The following CYRIB variants were observed in gnomAD, a reference collection of about 807,000 sequenced individuals.
The protein encoded by CYRIB is CYFIP-related Rac1 interactor B.
Under a neutral mutation model 44.2 loss-of-function variants are expected in CYRIB, and 8 were observed. The observed-to-expected ratio is 0.18, with a 90% confidence interval of 0.11 to 0.33. The LOEUF is 0.33. Ranked by LOEUF, CYRIB falls within the 10% of genes least tolerant of loss-of-function variation. The pLI is 1.00. For synonymous variants in CYRIB, 131 were observed against 127.2 expected, an observed-to-expected ratio of 1.03 and a Z score of -0.20; for missense variants, 185 against 382.8, an observed-to-expected ratio of 0.48 and a Z score of 4.31.
chr8:129,932,155 C>A (rs904947524), intron 1 of CYRIB, among the ~76,000 whole-genome samples: 1 of 151,910 alleles, frequency 6.6e-6, no homozygotes, highest in African/African-American at 2.4e-5. Flanking sequence ...CTCACCACTT[C>A]GCCCAGCTAA....
At chr8:129,891,450 C>T (rs1251978051) in intron 2 of CYRIB, among the ~76,000 whole-genome samples, 2 of 152,152 alleles carry the variant, frequency 1.3e-5, no homozygotes, top group African/African-American at 4.8e-5. Flanking sequence ...TAAAGTGATG[C>T]TTTGATTCTC....
intron 1 of CYRIB, among the ~76,000 whole-genome samples, chr8:129,976,338 C>A (rs2132427621): frequency 6.6e-6 from 1 of 152,294 alleles, no homozygotes; most frequent in South Asian, 2.1e-4. Flanking sequence ...ATGCAATAAA[C>A]ATCTGCTATT....
At chr8:129,980,227 CAAAAAAAAA>C (rs58630436) in intron 1 of CYRIB, among the ~76,000 whole-genome samples, 1 of 91,782 alleles carries the variant, frequency 1.1e-5, no homozygotes, top group African/African-American at 3.9e-5. Context: ...GACTCCATCT[CAAAAAAAAA>C]AAAAAAAAAA....
rs191553142 is a variant in CYRIB at position 129,966,608 on chromosome 8, A to G, written c.-243+4335T>C. 2.8e-3 allele frequency among the ~76,000 whole-genome samples: 430 copies of G among 152,344 alleles called. 3 individuals are homozygous for G. The highest frequency in any genetic ancestry group is 8.4e-3 in the Admixed American group (129 of 15,296). ...CCAGGCGCAGTGGCTCATGCCTGTAATCCTAGCACTTTGGGAGGCCAAGGC... is the reference window on the plus strand; with the variant it reads ...CCAGGCGCAGTGGCTCATGCCTGTAGTCCTAGCACTTTGGGAGGCCAAGGC... On this transcript the variant is annotated intron_variant, in intron 2 of 14. Coordinates refer to the CYRIB transcript ENST00000401979.
At chr8:129,895,076 T>A (rs1372646660) in intron 2 of CYRIB, among the ~76,000 whole-genome samples, 1 of 128,884 alleles carries the variant, frequency 7.8e-6, no homozygotes, top group Non-Finnish European at 1.6e-5. Flanking sequence ...TAGCTGGGAC[T>A]ACATGCCCGT....
At chr8:129,993,614 T>C (rs1034444693) in intron 1 of CYRIB, among the ~76,000 whole-genome samples, 1 of 151,392 alleles carries the variant, frequency 6.6e-6, no homozygotes, top group African/African-American at 2.4e-5. Flanking sequence ...GGAGAATCGC[T>C]GGAACCCAGG....
intron 1 of CYRIB, among the ~76,000 whole-genome samples, chr8:129,997,079 AGGGAG>A (rs2096787220): frequency 1.0e-5 from 1 of 96,132 alleles, no homozygotes; most frequent in Non-Finnish European, 2.1e-5. Flanking sequence ...GGAGGGAGGG[AGGGAG>A]GGAAGGAGGG....
intron 1 of CYRIB, among the ~76,000 whole-genome samples, chr8:130,011,770 T>A (rs2097223739): frequency 6.6e-6 from 1 of 151,926 alleles, no homozygotes; most frequent in African/African-American, 2.4e-5. Context: ...GAGGCGGAGC[T>A]TGCAGTGAGC....
intron 11 of CYRIB, among the ~76,000 whole-genome samples, chr8:129,845,332 G>A (rs770500583): frequency 3.3e-5 from 5 of 152,124 alleles, no homozygotes; most frequent in Non-Finnish European, 7.3e-5. Context: ...ACAAAGTCTT[G>A]GGAGAAAAAT....
At chr8:129,885,303 T>C (rs1397122987) in intron 2 of CYRIB, among the ~76,000 whole-genome samples, 1 of 152,224 alleles carries the variant, frequency 6.6e-6, no homozygotes, top group Non-Finnish European at 1.5e-5. Context: ...TTGCAACTTC[T>C]AGTGATAATC....
chr8:129,891,968 G>A (rs552736025), intron 2 of CYRIB, among the ~76,000 whole-genome samples: 2 of 152,272 alleles, frequency 1.3e-5, no homozygotes, highest in East Asian at 3.9e-4. Context: ...AATAGTATTA[G>A]ATCAGATTGT....
chr8:129,943,091 C>CCCCCCCCCCCCCCCCCCCCCCCCG (rs2093849004), upstream of CYRIB, among the ~76,000 whole-genome samples: 1 of 132,544 alleles, frequency 7.5e-6, no homozygotes, highest in African/African-American at 3.0e-5. Context: ...CGCCCACCCG[C>CCCCCCCCCCCCCCCCCCCCCCCCG]CCCCCCGCAC....
chr8:129,969,954 AT>A (rs1336835414), intron 2 of CYRIB, among the ~76,000 whole-genome samples: 5 of 152,190 alleles, frequency 3.3e-5, no homozygotes, highest in Non-Finnish European at 7.4e-5. Flanking sequence ...GAGCAAGTAT[AT>A]TTGGATACGG....
intron 1 of CYRIB, among the ~76,000 whole-genome samples, chr8:129,924,799 C>T (rs1228603978): frequency 2.0e-5 from 3 of 151,842 alleles, no homozygotes; most frequent in African/African-American, 7.3e-5. Context: ...GAACCCGTCT[C>T]TACAAAAAAA....
At chr8:129,909,553 A>T (rs2076991196) in intron 1 of CYRIB, among the ~76,000 whole-genome samples, 1 of 152,270 alleles carries the variant, frequency 6.6e-6, no homozygotes, top group East Asian at 1.9e-4. Context: ...CCAACTCATC[A>T]TATGGTTGTA....
intron 1 of CYRIB, among the ~76,000 whole-genome samples, chr8:129,923,858 T>C (rs796910725): frequency 3.3e-5 from 5 of 150,568 alleles, no homozygotes; most frequent in African/African-American, 1.2e-4. Context: ...AGTACGAACA[T>C]ATGTGAATAT....
At chr8:129,921,937 G>T (rs1380063934) in intron 1 of CYRIB, among the ~76,000 whole-genome samples, 2 of 152,106 alleles carry the variant, frequency 1.3e-5, no homozygotes, top group African/African-American at 2.4e-5. Context: ...TGTTGAGAAG[G>T]CAATGATGGA....
At chr8:129,922,650 T>A (rs1272627816) in intron 1 of CYRIB, among the ~76,000 whole-genome samples, 1 of 146,560 alleles carries the variant, frequency 6.8e-6, no homozygotes, top group African/African-American at 2.5e-5. Flanking sequence ...GATCACGAGG[T>A]CAGGAGATCG....
At chr8:129,952,971 G>A (rs1335487392) in intron 2 of CYRIB, among the ~76,000 whole-genome samples, 1 of 152,074 alleles carries the variant, frequency 6.6e-6, no homozygotes, top group Non-Finnish European at 1.5e-5. Context: ...TCTTCATTCC[G>A]AACCTTCTGT....
Sources: gnomAD v4.1 joint callset for allele counts (sites outside exome capture counted in the v4.1 genomes callset) on GRCh38, gnomAD v4.1.1 for gene constraint, MANE v1.5 for transcripts, NCBI Gene and HGNC (gene_info 2026-07-23, HGNC 2026-07-21) for gene names.